ST6GALNAC3: variants seen among roughly 807,000 people sequenced by gnomAD.
The protein encoded by ST6GALNAC3 is ST6 N-acetylgalactosaminide alpha-2,6-sialyltransferase 3.
A neutral mutation model predicts 32.7 loss-of-function variants in ST6GALNAC3; 25 were observed. The observed-to-expected ratio is 0.76, with a 90% CI of 0.56 to 1.07. The LOEUF (loss-of-function observed/expected upper bound fraction) is 1.07, where lower values mean the gene tolerates loss of function less well. Among genes scored for constraint, ST6GALNAC3 ranks in the 50% least tolerant of loss-of-function variants. ST6GALNAC3 has a pLI of 0.00. For synonymous variants in ST6GALNAC3, 129 were observed against 133.1 expected (o/e 0.97, Z 0.21); for missense variants, 355 against 382.4 (o/e 0.93, Z 0.60).
intron 2 of ST6GALNAC3, among the ~76,000 whole-genome samples, chr1:76,314,259 G>T (rs1204498871): frequency 6.6e-6 from 1 of 152,104 alleles, no homozygotes; most frequent in Non-Finnish European, 1.5e-5. Flanking sequence ...TTTCCTGGTG[G>T]TTTGTGGCAC....
intron 3 of ST6GALNAC3, among the ~76,000 whole-genome samples, chr1:76,501,440 C>A (rs1432963855): frequency 6.6e-6 from 1 of 152,196 alleles, no homozygotes; most frequent in Non-Finnish European, 1.5e-5. Context: ...AAAATTCCTT[C>A]CTTCCTTCCT....
intron 3 of ST6GALNAC3, among the ~76,000 whole-genome samples, chr1:76,620,546 T>C (rs920727897): frequency 1.3e-5 from 2 of 152,050 alleles, no homozygotes; most frequent in African/African-American, 4.8e-5. Flanking sequence ...CTTCCTGTCT[T>C]GTAGATGGCT....
intron 3 of ST6GALNAC3, among the ~76,000 whole-genome samples, chr1:76,537,673 T>C (rs185212101): frequency 2.8e-4 from 42 of 152,186 alleles, no homozygotes; most frequent in African/African-American, 9.4e-4. Context: ...CAATAAGAAA[T>C]GATAAAGAGG....
intron 2 of ST6GALNAC3, among the ~76,000 whole-genome samples, chr1:76,409,339 A>G (rs918288942): frequency 6.6e-6 from 1 of 152,122 alleles, no homozygotes; most frequent in African/African-American, 2.4e-5. Flanking sequence ...GCCTTTGTGC[A>G]TTCTGCAAGT....
chr1:76,583,255 C>T (rs116242739), intron 3 of ST6GALNAC3, among the ~76,000 whole-genome samples: 3 of 152,094 alleles, frequency 2.0e-5, no homozygotes, highest in Non-Finnish European at 4.4e-5. Flanking sequence ...TCTTTCTGCC[C>T]TATATTTTTG....
chr1:76,128,453 AG>A (rs111446541), intron 1 of ST6GALNAC3, among the ~76,000 whole-genome samples: 5 of 152,296 alleles, frequency 3.3e-5, no homozygotes, highest in African/African-American at 1.2e-4. Flanking sequence ...CCAGTGAGGA[AG>A]AAGAATCTAG....
chr1:76,341,662 T>C (rs550787199), intron 2 of ST6GALNAC3, among the ~76,000 whole-genome samples: 14 of 147,134 alleles, frequency 9.5e-5, no homozygotes, highest in African/African-American at 3.1e-4. Context: ...TCTTTCTTTC[T>C]TTCTTTCTTT....
chr1:76,585,504 G>C (rs1646949698), intron 3 of ST6GALNAC3, among the ~76,000 whole-genome samples: 1 of 152,170 alleles, frequency 6.6e-6, no homozygotes, highest in African/African-American at 2.4e-5. Flanking sequence ...CTTCCAGAGA[G>C]GCGAGAGCCT....
At chr1:76,636,769 A>C (rs1350586946), downstream of ST6GALNAC3, 1 of 152,078 alleles carries the variant, frequency 6.6e-6, no homozygotes, top group Non-Finnish European at 1.5e-5. Context: ...TATCTTGGAG[A>C]AAGTACTTCG....
rs577480846 is a variant in ST6GALNAC3, at chr1:76,252,041, T to A, written c.19-61764T>A. On this transcript the variant is annotated intron_variant, in intron 1 of 4. Coordinates refer to ENST00000328299, the MANE Select transcript of ST6GALNAC3 (RefSeq NM_152996.4). The stretch of plus-strand genomic sequence containing the variant: ...GGCTTTTTAAATGTGACAGTTTTTG[T>A]TGTTGTTGTTGATAGATGGTGGGGA... Among the ~76,000 whole-genome samples the A allele has an allele frequency of 6.6e-5, 10 of 152,260 alleles. No homozygotes were observed. In the South Asian group the frequency reaches 2.1e-3, roughly 32 times the overall value.
intron 1 of ST6GALNAC3, among the ~76,000 whole-genome samples, chr1:76,227,433 A>G (rs1656138966): frequency 6.6e-6 from 1 of 152,210 alleles, no homozygotes; most frequent in African/African-American, 2.4e-5. Flanking sequence ...CCTTCTAGAC[A>G]GTGAAGCACT....
At chr1:76,393,566 G>C (rs909058693) in intron 2 of ST6GALNAC3, among the ~76,000 whole-genome samples, 10 of 152,114 alleles carry the variant, frequency 6.6e-5, no homozygotes, top group African/African-American at 2.4e-4. Context: ...AGAAATGAAG[G>C]TATCAAGTAT....
chr1:76,100,832 A>T (rs1195685843), intron 1 of ST6GALNAC3, among the ~76,000 whole-genome samples: 1 of 151,800 alleles, frequency 6.6e-6, no homozygotes, highest in East Asian at 1.9e-4. Flanking sequence ...GGAAGTTTTA[A>T]AATTATGCAT....
At chr1:76,270,992 A>G (rs890453563) in intron 1 of ST6GALNAC3, among the ~76,000 whole-genome samples, 2 of 152,226 alleles carry the variant, frequency 1.3e-5, no homozygotes, top group Non-Finnish European at 2.9e-5. Context: ...ACGGGCTCAA[A>G]GAACATAGAT....
At chr1:76,526,211 A>G (rs1313959206) in intron 3 of ST6GALNAC3, among the ~76,000 whole-genome samples, 2 of 151,964 alleles carry the variant, frequency 1.3e-5, no homozygotes, top group Non-Finnish European at 2.9e-5. Context: ...TATAATATGC[A>G]ACACTCCCAG....
intron 3 of ST6GALNAC3, among the ~76,000 whole-genome samples, chr1:76,449,651 C>T (rs1282811120): frequency 6.6e-6 from 1 of 152,102 alleles, no homozygotes; most frequent in African/African-American, 2.4e-5. Context: ...TTTGCAATCC[C>T]CTAATGCCAT....
chr1:76,618,928 C>A (rs2100695372), intron 3 of ST6GALNAC3, among the ~76,000 whole-genome samples: 1 of 152,240 alleles, frequency 6.6e-6, no homozygotes, highest in East Asian at 1.9e-4. Flanking sequence ...ATGGAATGAA[C>A]AATATAATCT....
rs113078874 is a variant in ST6GALNAC3 at position 76,561,826 on chromosome 1, T to C, written c.624-65626T>C. On this transcript the variant is annotated intron_variant, in intron 3 of 4. Coordinates refer to ENST00000328299, the MANE Select transcript of ST6GALNAC3 (RefSeq NM_152996.4). ...ACATGCATTTTCAAAGCAGCATTAT[T>C]TTTACAGTCAAAGAGTGGAAGGAAC... 2.4e-3 allele frequency among the ~76,000 whole-genome samples: 371 copies of C among 152,320 alleles called. 1 individual carries two copies. The highest frequency in any genetic ancestry group is 8.3e-3 in the African/African-American group (347 of 41,576).
chr1:76,265,611 T>G (rs886130494), intron 1 of ST6GALNAC3, among the ~76,000 whole-genome samples: 30 of 152,180 alleles, frequency 2.0e-4, no homozygotes, highest in African/African-American at 6.3e-4. Flanking sequence ...AAAATGAGAC[T>G]CAGAATCTTT....
Sources: gnomAD v4.1 joint callset for allele counts (sites outside exome capture counted in the v4.1 genomes callset) on GRCh38, gnomAD v4.1.1 for gene constraint, MANE v1.5 for transcripts, NCBI Gene and HGNC (gene_info 2026-07-23, HGNC 2026-07-21) for gene names.